FARS2: variants seen among roughly 807,000 people sequenced by gnomAD.
The protein encoded by FARS2 is phenylalanine--tRNA ligase, mitochondrial.
In FARS2, 40 loss-of-function variants were observed where a neutral mutation model predicts 46.4. That is an observed-to-expected ratio of 0.86 (90% CI 0.67 to 1.12). The LOEUF (loss-of-function observed/expected upper bound fraction) is 1.12. Ranked by LOEUF, FARS2 falls within the 50% of genes most tolerant of loss-of-function variation. FARS2 has a pLI of 0.00. For synonymous variants in FARS2, 234 were observed against 214.9 expected, an observed-to-expected ratio of 1.09 and a Z score of -0.78; for missense variants, 513 against 567.9, an observed-to-expected ratio of 0.90 and a Z score of 0.98.
intron 4 of FARS2, among the ~76,000 whole-genome samples, chr6:5,464,655 G>A (rs1431561153): frequency 2.0e-5 from 3 of 151,998 alleles, no homozygotes; most frequent in East Asian, 1.9e-4. Flanking sequence ...TTATAAGCTC[G>A]TATAGTACTG....
chr6:5,572,408 A>T (rs1320956857), intron 5 of FARS2, among the ~76,000 whole-genome samples: 2 of 152,278 alleles, frequency 1.3e-5, no homozygotes, highest in African/African-American at 4.8e-5. Flanking sequence ...CACCCCCATG[A>T]TCCAAACACC....
chr6:5,464,507 A>G (rs918539583), intron 4 of FARS2, among the ~76,000 whole-genome samples: 6 of 152,226 alleles, frequency 3.9e-5, no homozygotes, highest in African/African-American at 1.2e-4. Context: ...TGCTGAACCT[A>G]TAAGATTGCT....
chr6:5,382,876 A>C (rs1213507885), intron 2 of FARS2, among the ~76,000 whole-genome samples: 2 of 152,250 alleles, frequency 1.3e-5, no homozygotes, highest in Admixed American at 6.5e-5. Context: ...GTCTGAAGAC[A>C]GGAGAAGACT....
In FARS2 at chr6:5,310,535, A is replaced by G. The variant is rs1352381581; in HGVS notation, c.-22+48875A>G. Reference sequence around the variant, plus strand: ...AAAAAACTCATAGAAATAAGTAATGAAAAAGCTCCATCAGTCTAATACATT... The same window carrying G: ...AAAAAACTCATAGAAATAAGTAATGGAAAAGCTCCATCAGTCTAATACATT... On this transcript the variant is annotated intron_variant, in intron 1 of 6. Transcript: ENST00000274680. Among the ~76,000 whole-genome samples, 5 of 152,198 alleles carry G rather than the reference A, an allele frequency of 3.3e-5. No individual in the cohort carries two copies. The East Asian group carries it at 7.7e-4, about 23-fold the overall frequency.
upstream of FARS2, chr6:5,260,523 C>T: frequency 7.5e-7 from 1 of 1,327,456 alleles, no homozygotes; most frequent in Non-Finnish European, 1.0e-6. Flanking sequence ...GAGCCCGGTC[C>T]TTGCCTCGCA....
intron 5 of FARS2, among the ~76,000 whole-genome samples, chr6:5,597,536 C>T (rs1257427906): frequency 1.3e-5 from 2 of 152,196 alleles, no homozygotes; most frequent in African/African-American, 4.8e-5. Context: ...TGCAGGCCAC[C>T]GCCTGAGCTC....
intron 1 of FARS2, among the ~76,000 whole-genome samples, chr6:5,307,263 A>G (rs1768774083): frequency 6.6e-6 from 1 of 152,194 alleles, no homozygotes; most frequent in Admixed American, 6.5e-5. Context: ...GTCCATCAGT[A>G]ATTATGACTG....
intron 6 of FARS2, among the ~76,000 whole-genome samples, chr6:5,690,050 G>A (rs1164693545): frequency 2.0e-5 from 3 of 152,042 alleles, no homozygotes; most frequent in African/African-American, 7.3e-5. Flanking sequence ...CCATGTGCTT[G>A]GTAGATCTTC....
In FARS2 at chr6:5,526,656, T is replaced by A. The variant is rs149203569; in HGVS notation, c.905-18524T>A. ...TTTTTGAGATGGAGTTTCGCTCTTG[T>A]TGCCCAGTGGAGTGAAATGGCAGGA... On this transcript the variant is annotated intron_variant, in intron 4 of 6. Transcript: ENST00000274680. Among the ~76,000 whole-genome samples, 210 of 152,266 alleles carry A rather than the reference T, an allele frequency of 1.4e-3. 4 individuals are homozygous for A. The East Asian group carries it at 0.038, about 27-fold the overall frequency.
intron 3 of FARS2, among the ~76,000 whole-genome samples, chr6:5,415,287 T>G (rs2127738699): frequency 6.8e-6 from 1 of 148,114 alleles, no homozygotes; most frequent in South Asian, 2.1e-4. Context: ...ATTATGATTT[T>G]AATTTGTATT....
intron 4 of FARS2, among the ~76,000 whole-genome samples, chr6:5,536,128 T>C (rs546329137): frequency 6.7e-6 from 1 of 150,240 alleles, no homozygotes; most frequent in Non-Finnish European, 1.5e-5. Context: ...CTTGGCTCAC[T>C]GCAAGCTCCA....
chr6:5,548,445 ATC>A (rs1425786601), intron 5 of FARS2, among the ~76,000 whole-genome samples: 5 of 152,218 alleles, frequency 3.3e-5, no homozygotes, highest in African/African-American at 1.2e-4. Context: ...TTGAATAATT[ATC>A]TGTTTTATTT....
intron 6 of FARS2, among the ~76,000 whole-genome samples, chr6:5,734,940 C>A (rs946844576): frequency 6.6e-6 from 1 of 152,150 alleles, no homozygotes; most frequent in African/African-American, 2.4e-5. Flanking sequence ...GTAGTTAATT[C>A]TTCTTCTCAC....
At chr6:5,639,204 G>A (rs751399473) in intron 6 of FARS2, among the ~76,000 whole-genome samples, 4 of 152,104 alleles carry the variant, frequency 2.6e-5, no homozygotes, top group African/African-American at 4.8e-5. Context: ...GTGCTTAAAC[G>A]TACATCCACA....
intron 4 of FARS2, among the ~76,000 whole-genome samples, chr6:5,467,732 T>C (rs971293906): frequency 1.3e-5 from 2 of 152,232 alleles, no homozygotes; most frequent in East Asian, 3.8e-4. Flanking sequence ...TCTTCTTCTC[T>C]GGACCTCTGT....
intron 6 of FARS2, among the ~76,000 whole-genome samples, chr6:5,735,862 T>C (rs894294338): frequency 1.3e-5 from 2 of 152,160 alleles, no homozygotes; most frequent in Non-Finnish European, 2.9e-5. Context: ...CATAAGGAAG[T>C]TAAGAGTGTC....
chr6:5,383,960 G>A (rs988020320), intron 2 of FARS2, among the ~76,000 whole-genome samples: 2 of 151,852 alleles, frequency 1.3e-5, no homozygotes, highest in Admixed American at 1.3e-4. Context: ...CTTTCTCTCT[G>A]TTTGATCTGT....
intron 1 of FARS2, among the ~76,000 whole-genome samples, chr6:5,295,214 C>T (rs1235215573): frequency 2.0e-5 from 3 of 152,160 alleles, no homozygotes; most frequent in Non-Finnish European, 2.9e-5. Context: ...ACGTTATATC[C>T]TCACAATAAC....
chr6:5,703,988 C>T (rs979725581), intron 6 of FARS2, among the ~76,000 whole-genome samples: 4 of 152,254 alleles, frequency 2.6e-5, no homozygotes, highest in African/African-American at 4.8e-5. Context: ...CTTCCTCTGC[C>T]GCCTCCTCCC....
Sources: gnomAD v4.1 joint callset for allele counts (sites outside exome capture counted in the v4.1 genomes callset) on GRCh38, gnomAD v4.1.1 for gene constraint, MANE v1.5 for transcripts, NCBI Gene and HGNC (gene_info 2026-07-23, HGNC 2026-07-21) for gene names.